Variants in SNX29 observed in about 807,000 individuals in gnomAD.
SNX29 encodes the protein sorting nexin 29, also known as sorting nexin-29.
A neutral mutation model predicts 102.1 loss-of-function variants in SNX29; 78 were observed. The observed-to-expected ratio is 0.76, with a 90% CI of 0.64 to 0.92. SNX29 has a LOEUF of 0.92. SNX29 is among the 40% of genes least tolerant of loss of function. SNX29 has a pLI of 0.00. For missense variants in SNX29, 1,280 were observed against 1,061.7 expected, an observed-to-expected ratio of 1.21 and a Z score of -2.86; for synonymous variants, 580 against 414.5, an observed-to-expected ratio of 1.40 and a Z score of -4.85.
At chr16:12,231,504 T>C (rs992682045) in intron 14 of SNX29, among the ~76,000 whole-genome samples, 2 of 151,922 alleles carry the variant, frequency 1.3e-5, no homozygotes, top group Non-Finnish European at 2.9e-5. Context: ...ACCAGAGTTT[T>C]AGTCAATTTC....
In SNX29 at chr16:11,976,828, C is replaced by A; in HGVS notation, c.7+15C>A. On this transcript the variant is annotated intron_variant, in intron 1 of 20. Coordinates refer to ENST00000566228, the MANE Select transcript of SNX29 (RefSeq NM_032167.5). Reference sequence around the variant, plus strand: ...CACCATGAGCGGTGAGTGGCGGCCCCGCCGCTGTCACCTGCCCCGGCCGCC... The same window carrying A: ...CACCATGAGCGGTGAGTGGCGGCCCAGCCGCTGTCACCTGCCCCGGCCGCC... 2.2e-6 allele frequency: 3 copies of A among 1,373,808 alleles called. No homozygotes were observed. The highest frequency in any genetic ancestry group is 1.6e-5 in the South Asian group (1 of 61,032). 85.1% of individuals were successfully genotyped at this position (1,373,808 alleles called of 1,614,324 possible).
intron 19 of SNX29, among the ~76,000 whole-genome samples, chr16:12,519,620 T>C (rs1034391): frequency 0.57 from 85,970 of 152,112 alleles, 24,382 homozygotes; most frequent in Middle Eastern, 0.65. Context: ...ATGACACAAA[T>C]ATGGAAAAGA....
chr16:12,558,218 G>T lies in SNX29; in HGVS notation c.2319-10288G>T, dbSNP rs185674954. Among the ~76,000 whole-genome samples, 284 of 67,360 alleles carry T rather than the reference G, an allele frequency of 4.2e-3. 1 individual carries two copies. The highest frequency in any genetic ancestry group is 8.1e-3 in the Non-Finnish European group (254 of 31,248). The allele number at this position is 67,360 out of a possible 152,430, so 44.2% of individuals were successfully genotyped here. Reference sequence around the variant, plus strand: ...GGTTTACTCCAGCAGAACCATCACAGAGCCTCTCTTCAGCCCCCCCAGTAG... The same window carrying T: ...GGTTTACTCCAGCAGAACCATCACATAGCCTCTCTTCAGCCCCCCCAGTAG... On this transcript the variant is annotated intron_variant, in intron 20 of 20. Coordinates refer to ENST00000566228, the MANE Select transcript of SNX29 (RefSeq NM_032167.5).
chr16:12,025,366 A>C (rs1175312764), intron 3 of SNX29, among the ~76,000 whole-genome samples: 1 of 151,352 alleles, frequency 6.6e-6, no homozygotes, highest in Non-Finnish European at 1.5e-5. Flanking sequence ...CATCTATAAT[A>C]ATTAAGAGTG....
At chr16:12,318,359 T>C (rs1320853792) in intron 15 of SNX29, among the ~76,000 whole-genome samples, 1 of 152,204 alleles carries the variant, frequency 6.6e-6, no homozygotes, top group Non-Finnish European at 1.5e-5. Context: ...TTTTGCCTTC[T>C]TGCTGATGCA....
At chr16:12,246,929 G>C (rs2078276386) in intron 14 of SNX29, among the ~76,000 whole-genome samples, 1 of 152,266 alleles carries the variant, frequency 6.6e-6, no homozygotes, top group East Asian at 1.9e-4. Context: ...CCTTGCCTTG[G>C]ATATGGGGAA....
chr16:12,238,258 G>C (rs930584081), intron 14 of SNX29, among the ~76,000 whole-genome samples: 1 of 150,678 alleles, frequency 6.6e-6, no homozygotes, highest in Non-Finnish European at 1.5e-5. Context: ...TAAGGGGTAA[G>C]AAGGCCTTGG....
chr16:12,552,884 C>G (rs929112944), intron 20 of SNX29, among the ~76,000 whole-genome samples: 1 of 152,208 alleles, frequency 6.6e-6, no homozygotes, highest in Non-Finnish European at 1.5e-5. Flanking sequence ...GAGACATGGA[C>G]ATGGAGGCAG....
At chr16:12,374,331 T>G (rs1374779566) in intron 16 of SNX29, 1 of 152,270 alleles carries the variant, frequency 6.6e-6, no homozygotes, top group Non-Finnish European at 1.5e-5. Context: ...CTATAATGAC[T>G]GAATCCAGTC....
chr16:12,123,540 A>T (rs553262482), intron 11 of SNX29, among the ~76,000 whole-genome samples: 1 of 152,176 alleles, frequency 6.6e-6, no homozygotes, highest in Non-Finnish European at 1.5e-5. Context: ...TATCATATAC[A>T]TATACATCTA....
intron 1 of SNX29, among the ~76,000 whole-genome samples, chr16:11,994,005 CA>C (rs1419803973): frequency 3.3e-5 from 5 of 152,186 alleles, no homozygotes; most frequent in Non-Finnish European, 7.3e-5. Context: ...CCTGTAATCT[CA>C]GCTACTTGGG....
intron 8 of SNX29, among the ~76,000 whole-genome samples, chr16:12,055,541 T>G (rs1386575829): frequency 6.6e-6 from 1 of 152,006 alleles, no homozygotes; most frequent in East Asian, 1.9e-4. Flanking sequence ...TTATCTTGAT[T>G]TATTTTAAGG....
intron 16 of SNX29, among the ~76,000 whole-genome samples, chr16:12,397,887 G>A (rs1479288525): frequency 6.6e-6 from 1 of 152,110 alleles, no homozygotes; most frequent in African/African-American, 2.4e-5. Context: ...TACTGGTGGT[G>A]GGGTCCACCA....
At chr16:12,038,037 G>A (rs145724594) in intron 4 of SNX29, among the ~76,000 whole-genome samples, 208 of 152,116 alleles carry the variant, frequency 1.4e-3, no homozygotes, top group Middle Eastern at 6.8e-3. Flanking sequence ...TTTGGTGCAC[G>A]TGTAGTAGTG....
rs142743802 is a variant in SNX29 at position 12,568,740 on chromosome 16, C to G, written c.*111C>G. 1,094 of 1,451,044 alleles carry G rather than the reference C, an allele frequency of 7.5e-4. 19 individuals carry two copies. In the South Asian group the frequency reaches 8.5e-3, roughly 11 times the overall value. The allele number at this position is 1,451,044 out of a possible 1,614,324, so 89.9% of individuals were successfully genotyped here. A position where few individuals can be genotyped will look rare whatever the true frequency, so the allele number is the denominator to read the frequency against. On this transcript the variant is annotated 3_prime_UTR_variant, in exon 21 of 21. Coordinates refer to ENST00000566228, the MANE Select transcript of SNX29 (RefSeq NM_032167.5). ...TGACAACCACGTCCACCTGGTGATCCTGAGAGCACACGATTCCCAACAGTT... is the reference window on the plus strand; with the variant it reads ...TGACAACCACGTCCACCTGGTGATCGTGAGAGCACACGATTCCCAACAGTT...
At chr16:12,380,922 CCAT>C in intron 16 of SNX29, among the ~76,000 whole-genome samples, 2 of 93,024 alleles carry the variant, frequency 2.1e-5, no homozygotes, top group African/African-American at 5.0e-5. Flanking sequence ...CATCCACCCA[CCAT>C]CCATCCATCC....
rs919924308 is a variant in SNX29 at position 12,572,871 on chromosome 16, T to C, written c.*4242T>C. The C allele has an allele frequency of 2.8e-6, 3 of 1,062,114 alleles. No homozygotes were observed. Among genetic ancestry groups the C allele is most frequent in the Admixed American group, 5.4e-5 (1 of 18,682 alleles). The allele number at this position is 1,062,114 out of a possible 1,614,324, so 65.8% of individuals were successfully genotyped here. ...AGGTTTCAGCCCTAAAGGTAATGAT[T>C]GTCTTGACTCTGCCTTGGCATTTCG... On this transcript the variant is annotated 3_prime_UTR_variant, in exon 21 of 21. Coordinates refer to ENST00000566228, the MANE Select transcript of SNX29 (RefSeq NM_032167.5).
At chr16:12,141,874 A>G (rs1365660531) in intron 13 of SNX29, among the ~76,000 whole-genome samples, 1 of 151,906 alleles carries the variant, frequency 6.6e-6, no homozygotes, top group Non-Finnish European at 1.5e-5. Flanking sequence ...AGTCCTCCTG[A>G]CCTCCCATCT....
intron 20 of SNX29, chr16:12,556,426 G>A (rs751821036): frequency 6.6e-6 from 1 of 152,254 alleles, no homozygotes. Context: ...GATGGCTACA[G>A]ATGCTGTGAA....
Sources: gnomAD v4.1 joint callset for allele counts (sites outside exome capture counted in the v4.1 genomes callset) on GRCh38, gnomAD v4.1.1 for gene constraint, MANE v1.5 for transcripts, NCBI Gene and HGNC (gene_info 2026-07-23, HGNC 2026-07-21) for gene names.